CHRM3: variants seen among roughly 807,000 people sequenced by gnomAD.
The protein encoded by CHRM3 is muscarinic acetylcholine receptor M3.
In CHRM3, 11 loss-of-function variants were observed where a neutral mutation model predicts 41.8. The ratio of observed to expected loss-of-function variants is 0.26; its 90% CI spans 0.17 to 0.44. The LOEUF (loss-of-function observed/expected upper bound fraction) is 0.44, where lower values mean the gene tolerates loss of function less well. Ranked by LOEUF, CHRM3 falls within the 20% of genes least tolerant of loss-of-function variation. CHRM3 has a pLI of 1.00. For synonymous variants in CHRM3, 297 were observed against 301.4 expected, an observed-to-expected ratio of 0.99 and a Z score of 0.15; for missense variants, 571 against 745.4, an observed-to-expected ratio of 0.77 and a Z score of 2.72.
intron 5 of CHRM3, among the ~76,000 whole-genome samples, chr1:239,691,866 C>T (rs892667084): frequency 6.6e-6 from 1 of 152,238 alleles, no homozygotes; most frequent in Admixed American, 6.5e-5. Context: ...TGAGAATCCC[C>T]CCTAAAGACT....
At chr1:239,584,379 C>T (rs1452631895) in intron 3 of CHRM3, among the ~76,000 whole-genome samples, 1 of 152,156 alleles carries the variant, frequency 6.6e-6, no homozygotes, top group Non-Finnish European at 1.5e-5. Flanking sequence ...GCTGGGATTA[C>T]AGGTGTGAGT....
intron 3 of CHRM3, among the ~76,000 whole-genome samples, chr1:239,574,909 A>G (rs2148555587): frequency 6.6e-6 from 1 of 152,198 alleles, no homozygotes; most frequent in East Asian, 1.9e-4. Flanking sequence ...AATGGAGGTA[A>G]CAATCTTTTA....
chr1:239,879,628 G>A (rs914798178), intron 6 of CHRM3, among the ~76,000 whole-genome samples: 20 of 152,218 alleles, frequency 1.3e-4, no homozygotes, highest in African/African-American at 4.6e-4. Context: ...CCCCACAGGC[G>A]TGAGCAGCCA....
intron 2 of CHRM3, among the ~76,000 whole-genome samples, chr1:239,520,457 G>A (rs914312527): frequency 5.9e-5 from 9 of 151,948 alleles, no homozygotes; most frequent in Non-Finnish European, 1.3e-4. Context: ...GTGGCACCCC[G>A]CTTGCTCTCT....
At chr1:239,803,636 A>G (rs1427352341) in intron 5 of CHRM3, among the ~76,000 whole-genome samples, 4 of 152,176 alleles carry the variant, frequency 2.6e-5, no homozygotes, top group Non-Finnish European at 5.9e-5. Context: ...GATCATGTCA[A>G]GTTTAATCAT....
chr1:239,712,215 A>T (rs534695779), intron 5 of CHRM3, among the ~76,000 whole-genome samples: 1 of 152,314 alleles, frequency 6.6e-6, no homozygotes, highest in South Asian at 2.1e-4. Context: ...TGTCCCAGTT[A>T]TCTTGGTCCC....
intron 6 of CHRM3, among the ~76,000 whole-genome samples, chr1:239,905,003 C>T (rs1679860377): frequency 6.6e-6 from 1 of 152,162 alleles, no homozygotes; most frequent in Non-Finnish European, 1.5e-5. Context: ...TTTTGACAAA[C>T]TGCAAAATTG....
intron 1 of CHRM3, among the ~76,000 whole-genome samples, chr1:239,490,810 C>T (rs1216564777): frequency 6.6e-6 from 1 of 152,010 alleles, no homozygotes; most frequent in Non-Finnish European, 1.5e-5. Context: ...GCAGTGGTGC[C>T]ATCACAGCTC....
At chr1:239,602,090 A>ATGTGTG (rs1553337601) in intron 3 of CHRM3, among the ~76,000 whole-genome samples, 12,024 of 130,852 alleles carry the variant, frequency 0.092, 735 homozygotes, top group African/African-American at 0.16. Flanking sequence ...ACATATATAC[A>ATGTGTG]TGTGTGTGTG....
chr1:239,715,022 A>T, intron 5 of CHRM3, among the ~76,000 whole-genome samples: 1 of 152,134 alleles, frequency 6.6e-6, no homozygotes. Flanking sequence ...GGTAAGGGGG[A>T]ATTCAGGGAA....
chr1:239,397,747 C>CTA (rs988895169), intron 1 of CHRM3, among the ~76,000 whole-genome samples: 6 of 145,736 alleles, frequency 4.1e-5, no homozygotes, highest in Admixed American at 1.4e-4. Flanking sequence ...AAAAATATAT[C>CTA]TATATATATT....
At chr1:239,458,359 G>C (rs1241618749) in intron 1 of CHRM3, among the ~76,000 whole-genome samples, 1 of 152,184 alleles carries the variant, frequency 6.6e-6, no homozygotes, top group Non-Finnish European at 1.5e-5. Context: ...ATGACTGGCT[G>C]CTGTGTTTCG....
In CHRM3 at chr1:239,684,091, G is replaced by A. The variant is rs534512277; in HGVS notation, c.-147+5803G>A. Among the ~76,000 whole-genome samples the A allele has an allele frequency of 1.1e-3, 171 of 152,324 alleles. 1 individual carries two copies. The highest frequency in any genetic ancestry group is 4.0e-3 in the African/African-American group (165 of 41,588). The stretch of plus-strand genomic sequence containing the variant: ...TAACCCATATTCCCGTGTGGGAGAA[G>A]ATTTTTTAAACAAACCAATTTTTTA... On this transcript the variant is annotated intron_variant, in intron 5 of 6. Transcript: ENST00000676153.
In CHRM3 at chr1:239,909,165, C is replaced by A; in HGVS notation, c.1714C>A (p.Gln572Lys). The A allele has an allele frequency of 6.2e-7, 1 of 1,613,862 alleles. No homozygotes were observed. Among genetic ancestry groups the A allele is most frequent in the Non-Finnish European group, 8.5e-7 (1 of 1,179,980 alleles). The change falls in exon 7 of 7, where the codon CAG (glutamine) becomes AAG (lysine). Residue 572 changes from glutamine (Q) to lysine (K), a missense_variant. Around this residue, in one of 5 missense-constraint regions of CHRM3, gnomAD observed 44 missense variants for 39.7 expected, o/e 1.11. Transcript: ENST00000676153. Reference protein sequence around the residue: ...QCDKKKRRKQQYQQRQSVIFH... With the variant: ...QCDKKKRRKQKYQQRQSVIFH... ...TGACAAAAAAAAGAGGCGCAAGCAG[C>A]AGTACCAGCAGAGACAGTCGGTCAT...
At chr1:239,709,876 A>T in intron 5 of CHRM3, among the ~76,000 whole-genome samples, 1 of 152,340 alleles carries the variant, frequency 6.6e-6, no homozygotes, top group Non-Finnish European at 1.5e-5. Flanking sequence ...TAAAAAAATT[A>T]ATATCAAAAT....
At chr1:239,868,932 G>A (rs1676342911) in intron 6 of CHRM3, among the ~76,000 whole-genome samples, 1 of 152,172 alleles carries the variant, frequency 6.6e-6, no homozygotes, top group Non-Finnish European at 1.5e-5. Flanking sequence ...AAATACAGCT[G>A]TGAAATAGCT....
intron 1 of CHRM3, among the ~76,000 whole-genome samples, chr1:239,429,192 AT>A (rs1330024485): frequency 3.3e-5 from 5 of 152,154 alleles, no homozygotes; most frequent in Non-Finnish European, 7.4e-5. Context: ...ATACACTTGC[AT>A]TTTCTTTAGC....
At chr1:239,893,341 A>T (rs1304492517) in intron 6 of CHRM3, among the ~76,000 whole-genome samples, 1 of 152,154 alleles carries the variant, frequency 6.6e-6, no homozygotes, top group Admixed American at 6.6e-5. Flanking sequence ...AAGAGGACTG[A>T]GTTTCTGCTT....
At chr1:239,639,812 T>A (rs560695927) in intron 4 of CHRM3, among the ~76,000 whole-genome samples, 1 of 145,720 alleles carries the variant, frequency 6.9e-6, no homozygotes, top group Non-Finnish European at 1.5e-5. Context: ...TGAATAGGAG[T>A]GGTGAGAGAG....
Sources: gnomAD v4.1 joint callset for allele counts (sites outside exome capture counted in the v4.1 genomes callset) on GRCh38, gnomAD v4.1.1 for gene constraint, gnomAD v4.1.1 regional missense constraint, MANE v1.5 for transcripts, NCBI Gene and HGNC (gene_info 2026-07-23, HGNC 2026-07-21) for gene names.